RC3H1: variants seen among roughly 807,000 people sequenced by gnomAD.
RC3H1 encodes the protein roquin-1.
Under a neutral mutation model 138.2 loss-of-function variants are expected in RC3H1, and 50 were observed. The ratio of observed to expected loss-of-function variants is 0.36; its 90% confidence interval spans 0.29 to 0.46. The LOEUF (loss-of-function observed/expected upper bound fraction) is 0.46. RC3H1 is among the 20% of genes least tolerant of loss of function. RC3H1 has a pLI of 1.00. For missense variants in RC3H1, 1,031 were observed against 1,388.1 expected (o/e 0.74, Z 4.09); for synonymous variants, 462 against 489.1 (o/e 0.94, Z 0.73).
At chr1:173,975,650 G>A (rs1660543663) in intron 7 of RC3H1, among the ~76,000 whole-genome samples, 1 of 61,028 alleles carries the variant, frequency 1.6e-5, no homozygotes. Context: ...TGTAATCCCA[G>A]CACTTTGGGA....
rs1453328649 is a variant in RC3H1 at position 173,935,705 on chromosome 1, G to C, written c.*3016C>G. 1 of 151,938 alleles carries C rather than the reference G, an allele frequency of 6.6e-6. No homozygotes were observed. Among genetic ancestry groups the C allele is most frequent in the Non-Finnish European group, 1.5e-5 (1 of 67,990 alleles). The allele number at this position is 151,938 out of a possible 1,614,324, so 9.4% of individuals were successfully genotyped here. ...CAGGCTCATGATATCACAGAGAAAA[G>C]GAAAAGGAAAAAAAGCAAAAAACAA... On this transcript the variant is annotated 3_prime_UTR_variant, in exon 20 of 20. Coordinates refer to ENST00000367696, the MANE Select transcript of RC3H1 (RefSeq NM_172071.4).
At chr1:173,985,900 A>G (rs1661006122) in intron 2 of RC3H1, among the ~76,000 whole-genome samples, 1 of 152,208 alleles carries the variant, frequency 6.6e-6, no homozygotes, top group African/African-American at 2.4e-5. Flanking sequence ...AAGAATATCT[A>G]TTCAGATCCT....
At chr1:173,997,787 A>G (rs1384114751) in intron 1 of RC3H1, among the ~76,000 whole-genome samples, 1 of 152,206 alleles carries the variant, frequency 6.6e-6, no homozygotes, top group Non-Finnish European at 1.5e-5. Context: ...ATGATTAATA[A>G]CAGAAAGTCA....
chr1:174,007,258 C>T (rs1385789823), intron 1 of RC3H1, among the ~76,000 whole-genome samples: 2 of 151,796 alleles, frequency 1.3e-5, no homozygotes, highest in Non-Finnish European at 1.5e-5. Context: ...GGCGTGGTGG[C>T]GGGCGCCTGT....
At chr1:173,944,188 A>AG (rs1454084097) in intron 17 of RC3H1, among the ~76,000 whole-genome samples, 1 of 151,842 alleles carries the variant, frequency 6.6e-6, no homozygotes, top group East Asian at 1.9e-4. Flanking sequence ...AAAAAAAAAA[A>AG]AAAAGGAAAT....
intron 1 of RC3H1, among the ~76,000 whole-genome samples, chr1:174,014,120 C>A (rs1423428311): frequency 4.6e-5 from 7 of 152,140 alleles, no homozygotes; most frequent in Admixed American, 1.3e-4. Context: ...AACCATTCTG[C>A]ACGATTCTAG....
At position 173,992,918 on chromosome 1, in the gene RC3H1, T is replaced by C. The variant is rs770487225; in HGVS notation, c.68A>G (p.Glu23Gly). 6.2e-7 allele frequency: 1 copy of C among 1,614,152 alleles called. No homozygotes were observed. Among genetic ancestry groups the C allele is most frequent in the South Asian group, 1.1e-5 (1 of 91,082 alleles). Residue 23 changes from glutamate (E) to glycine (G), a missense_variant, in exon 2 of 20, where the codon GAA (glutamate) becomes GGA (glycine). This residue lies in a region of RC3H1 where 35 missense variants were observed against 69.4 expected (regional missense o/e 0.50). Transcript: ENST00000367696. ...SCPICTQTFDETIRKPISLGC... is the reference protein window; with the variant it reads ...SCPICTQTFDGTIRKPISLGC... ...CAAACTGATGGGCTTTCGAATTGTTTCGTCGAAAGTCTGAGTGCAAATTGG... is the reference window on the plus strand; with the variant it reads ...CAAACTGATGGGCTTTCGAATTGTTCCGTCGAAAGTCTGAGTGCAAATTGG...
chr1:173,983,115 AAATTT>A, intron 4 of RC3H1: 1 of 478,622 alleles, frequency 2.1e-6, no homozygotes, highest in South Asian at 4.2e-5. Context: ...AGTGATTAAT[AAATTT>A]AAGAAAAACT....
chr1:173,960,662 A>G (rs767417285), intron 13 of RC3H1, among the ~76,000 whole-genome samples: 6 of 152,254 alleles, frequency 3.9e-5, no homozygotes, highest in Middle Eastern at 3.2e-3. Flanking sequence ...TTGAAAAATA[A>G]CAATACTAGA....
Position 173,936,753 on chromosome 1 carries a change from ATATATATATTT to A in RC3H1, c.*1957_*1967del, listed in dbSNP as rs1303608547. On this transcript the variant is annotated 3_prime_UTR_variant, in exon 20 of 20. Coordinates refer to ENST00000367696, the MANE Select transcript of RC3H1 (RefSeq NM_172071.4). ...TACATATATATATATATATATATAT[ATATATATATTT>A]TTTTTTTTTTTTTTAAAAAAAGAAG... 150 of 48,066 alleles carry A rather than the reference ATATATATATTT, an allele frequency of 3.1e-3. No homozygotes were observed. Among genetic ancestry groups the A allele is most frequent in the African/African-American group, 3.9e-3 (15 of 3,832 alleles). The allele number at this position is 48,066 out of a possible 1,614,324, so 3.0% of individuals were successfully genotyped here.
In RC3H1 at chr1:173,980,493, A is replaced by AT. The variant is rs11292740; in HGVS notation, c.969+315dup. 2.3e-4 allele frequency among the ~76,000 whole-genome samples: 35 copies of AT among 149,364 alleles called. 3 individuals carry two copies. Among genetic ancestry groups the AT allele is most frequent in the South Asian group, 8.4e-4 (4 of 4,746 alleles). On this transcript the variant is annotated intron_variant, in intron 6 of 19. Transcript: ENST00000367696. ...ATTAAGATTTTAGTAAATGTTCATT[A>AT]TTTTTTTTTTAGGTTACTCTTACTA... is the stretch of plus-strand genomic sequence containing the variant.
Position 173,931,722 on chromosome 1 carries a change from A to G in RC3H1, c.*6999T>C, listed in dbSNP as rs908350578. The G allele has an allele frequency of 6.6e-6, 1 of 152,230 alleles. No homozygotes were observed. Among genetic ancestry groups the G allele is most frequent in the African/African-American group, 2.4e-5 (1 of 41,454 alleles). 9.4% of individuals were successfully genotyped at this position (152,230 alleles called of 1,614,324 possible). On this transcript the variant is annotated 3_prime_UTR_variant, in exon 20 of 20. Transcript: ENST00000367696. ...AACTCTCAGGAGATAAGGTCTTCAA[A>G]TAAGACTTCACGGTTTGCCAGATCC...
At chr1:173,959,726 G>C (rs541831052) in intron 13 of RC3H1, among the ~76,000 whole-genome samples, 1 of 151,934 alleles carries the variant, frequency 6.6e-6, no homozygotes, top group African/African-American at 2.4e-5. Flanking sequence ...AGCTGAGATC[G>C]CACCACTGCA....
intron 1 of RC3H1, among the ~76,000 whole-genome samples, chr1:174,011,292 A>G (rs1447562867): frequency 6.6e-6 from 1 of 152,154 alleles, no homozygotes; most frequent in African/African-American, 2.4e-5. Flanking sequence ...CACTATATGA[A>G]GAGTCTTACA....
chr1:174,021,096 CA>C (rs1395655083), intron 1 of RC3H1, among the ~76,000 whole-genome samples: 1 of 152,188 alleles, frequency 6.6e-6, no homozygotes, highest in Non-Finnish European at 1.5e-5. Context: ...AAACACGAGA[CA>C]AGGCACAAGA....
Position 173,941,249 on chromosome 1 carries a change from A to T in RC3H1, c.3251+16T>A. 6.7e-7 allele frequency: 1 copy of T among 1,483,946 alleles called. No individual in the cohort carries two copies. Among genetic ancestry groups the T allele is most frequent in the Non-Finnish European group, 9.4e-7 (1 of 1,062,388 alleles). 91.9% of individuals were successfully genotyped at this position (1,483,946 alleles called of 1,614,324 possible). On this transcript the variant is annotated intron_variant, in intron 19 of 19. Transcript: ENST00000367696. ...TGTGTAATTTAATATGGCTACGACA[A>T]TCTCCTTTTCTTTACCTGAATGTCA...
chr1:173,972,479 T>C (rs11579488), intron 8 of RC3H1, 30 bp downstream of exon 8: 92,137 of 1,510,056 alleles, frequency 0.061, 3,497 homozygotes, highest in Non-Finnish European at 0.074. Flanking sequence ...CCACAGTGGG[T>C]TAACTCTAAG....
At chr1:173,981,398 T>C (rs1660811922) in intron 5 of RC3H1, among the ~76,000 whole-genome samples, 1 of 152,200 alleles carries the variant, frequency 6.6e-6, no homozygotes, top group Non-Finnish European at 1.5e-5. Flanking sequence ...GAGCATCATG[T>C]TGGTGTTCAA....
intron 11 of RC3H1, among the ~76,000 whole-genome samples, chr1:173,962,995 C>A (rs1659946302): frequency 6.6e-6 from 1 of 152,100 alleles, no homozygotes; most frequent in Non-Finnish European, 1.5e-5. Context: ...TTAATCTATT[C>A]CCATTTTAAA....
Sources: gnomAD v4.1 joint callset for allele counts (sites outside exome capture counted in the v4.1 genomes callset) on GRCh38, gnomAD v4.1.1 for gene constraint, gnomAD v4.1.1 regional missense constraint, MANE v1.5 for transcripts, NCBI Gene and HGNC (gene_info 2026-07-23, HGNC 2026-07-21) for gene names.